WHRN: variants seen among roughly 807,000 people sequenced by gnomAD.
WHRN encodes the protein CASK-interacting protein CIP98.
In WHRN, 41 loss-of-function variants were observed where a neutral mutation model predicts 68.3. That is an observed-to-expected ratio of 0.60 (90% CI 0.47 to 0.78). The LOEUF is 0.78. WHRN is among the 30% of genes least tolerant of loss of function. The probability of loss-of-function intolerance (pLI) is 0.00; values close to 1 mark genes in which losing one functional copy is unlikely to be tolerated. For missense variants in WHRN, 1,243 were observed against 1,244.7 expected, an observed-to-expected ratio of 1.00 and a Z score of 0.02; for synonymous variants, 560 against 561.3, an observed-to-expected ratio of 1.00 and a Z score of 0.03.
chr9:114,419,464 A>G (rs1836088674), intron 7 of WHRN, among the ~76,000 whole-genome samples: 1 of 152,258 alleles, frequency 6.6e-6, no homozygotes, highest in Non-Finnish European at 1.5e-5. Context: ...AGCAGTCAGC[A>G]GTCACATTGG....
intron 2 of WHRN, among the ~76,000 whole-genome samples, chr9:114,476,483 T>C (rs1159214977): frequency 6.6e-6 from 1 of 151,918 alleles, no homozygotes; most frequent in African/African-American, 2.4e-5. Flanking sequence ...CTCAGAGAAG[T>C]CCTCCCTGAT....
chr9:114,488,646 A>T (rs1483004526), intron 1 of WHRN, among the ~76,000 whole-genome samples: 2 of 152,192 alleles, frequency 1.3e-5, no homozygotes, highest in Non-Finnish European at 2.9e-5. Context: ...GTCCAGCCAC[A>T]TGGACTGGAA....
chr9:114,404,121 G>A, intron 9 of WHRN, 44 bp from the exon 10 acceptor site: 2 of 1,590,296 alleles, frequency 1.3e-6, no homozygotes, highest in Non-Finnish European at 1.7e-6. Flanking sequence ...ATATAGCTGG[G>A]GTCAGGGAGG....
At chr9:114,479,775 T>C (rs1443808673) in intron 1 of WHRN, among the ~76,000 whole-genome samples, 3 of 152,112 alleles carry the variant, frequency 2.0e-5, no homozygotes, top group Non-Finnish European at 4.4e-5. Flanking sequence ...AAGAAGTTCC[T>C]TTCTCAGCCG....
At chr9:114,409,767 C>T (rs550952246) in intron 7 of WHRN, among the ~76,000 whole-genome samples, 1 of 151,952 alleles carries the variant, frequency 6.6e-6, no homozygotes, top group Admixed American at 6.6e-5. Context: ...ACCCACCTGT[C>T]ACCTGCTCGA....
chr9:114,504,855 C>A lies in WHRN; in HGVS notation c.-54G>T. 10 of 1,349,510 alleles carry A rather than the reference C, an allele frequency of 7.4e-6. No homozygotes were observed. In the South Asian group the frequency reaches 1.9e-4, roughly 26 times the overall value. 83.6% of individuals were successfully genotyped at this position (1,349,510 alleles called of 1,614,324 possible). ...AGCGCGCGGGGTGTGGGCGGTGCCG[C>A]TGTCCTCGCGGGTACTGGCGCGACA... On this transcript the variant is annotated 5_prime_UTR_variant, in exon 1 of 12. Transcript: ENST00000362057.
At chr9:114,462,181 G>T (rs555606446) in intron 3 of WHRN, among the ~76,000 whole-genome samples, 5 of 152,308 alleles carry the variant, frequency 3.3e-5, no homozygotes, top group South Asian at 2.1e-4. Flanking sequence ...CTGCCAGGAA[G>T]CTCAGAGCCA....
intron 1 of WHRN, among the ~76,000 whole-genome samples, chr9:114,484,998 A>G (rs1842368577): frequency 6.6e-6 from 1 of 152,194 alleles, no homozygotes; most frequent in Non-Finnish European, 1.5e-5. Context: ...GTTCAAAACC[A>G]TACACCAAAG....
At chr9:114,437,498 C>G (rs114654071) in intron 3 of WHRN, among the ~76,000 whole-genome samples, 2,086 of 152,252 alleles carry the variant, frequency 0.014, 44 homozygotes, top group African/African-American at 0.047. Flanking sequence ...GTGTCCCCCC[C>G]CAAATTCCTA....
intron 3 of WHRN, among the ~76,000 whole-genome samples, chr9:114,454,965 T>C (rs1294116210): frequency 1.3e-5 from 2 of 151,550 alleles, no homozygotes; most frequent in Admixed American, 6.6e-5. Flanking sequence ...GGAGATAGGG[T>C]AGTCCTTTCA....
intron 1 of WHRN, chr9:114,503,340 A>G (rs1844099004): frequency 4.5e-6 from 1 of 224,650 alleles, no homozygotes; most frequent in Non-Finnish European, 7.4e-6. Context: ...AGGTCGGGGG[A>G]GGGGGGAAGG....
intron 1 of WHRN, among the ~76,000 whole-genome samples, chr9:114,499,063 A>G (rs1047917060): frequency 3.3e-5 from 5 of 152,246 alleles, no homozygotes; most frequent in African/African-American, 1.2e-4. Flanking sequence ...TGTGTCCACT[A>G]TATGGGAAAT....
At chr9:114,438,591 T>G (rs1838080769) in intron 3 of WHRN, among the ~76,000 whole-genome samples, 1 of 151,894 alleles carries the variant, frequency 6.6e-6, no homozygotes, top group African/African-American at 2.4e-5. Flanking sequence ...TAGCTGGGAC[T>G]ACAGGTGCCC....
intron 3 of WHRN, among the ~76,000 whole-genome samples, chr9:114,454,036 T>A (rs1402513409): frequency 3.3e-5 from 5 of 152,140 alleles, no homozygotes; most frequent in African/African-American, 9.7e-5. Flanking sequence ...ATTAACAGAT[T>A]AAAAGAGAAA....
chr9:114,483,185 T>C (rs998391419), intron 1 of WHRN, among the ~76,000 whole-genome samples: 8 of 152,212 alleles, frequency 5.3e-5, no homozygotes, highest in African/African-American at 1.9e-4. Flanking sequence ...ACTGCTTTTT[T>C]ATATTTCTGG....
chr9:114,477,730 T>C (rs28408516), intron 2 of WHRN, among the ~76,000 whole-genome samples: 3,510 of 152,280 alleles, frequency 0.023, 61 homozygotes, highest in Middle Eastern at 0.058. Flanking sequence ...GCTTCAATTC[T>C]GGGACTGCCC....
At chr9:114,406,934 T>A in intron 8 of WHRN, 42 bp from the exon 9 acceptor site, 1 of 1,549,928 alleles carries the variant, frequency 6.5e-7, no homozygotes. Flanking sequence ...TCAGACCCCA[T>A]CACGCCTGGA....
intron 3 of WHRN, among the ~76,000 whole-genome samples, chr9:114,446,200 G>A (rs1488830569): frequency 6.6e-6 from 1 of 152,134 alleles, no homozygotes; most frequent in African/African-American, 2.4e-5. Context: ...GGAATTTCCT[G>A]GTAGATGCTA....
At chr9:114,415,597 T>G (rs1440489850) in intron 7 of WHRN, among the ~76,000 whole-genome samples, 1 of 152,188 alleles carries the variant, frequency 6.6e-6, no homozygotes, top group Non-Finnish European at 1.5e-5. Flanking sequence ...CCATGTATGT[T>G]CTCACACCAC....
Sources: gnomAD v4.1 joint callset for allele counts (sites outside exome capture counted in the v4.1 genomes callset) on GRCh38, gnomAD v4.1.1 for gene constraint, MANE v1.5 for transcripts, NCBI Gene and HGNC (gene_info 2026-07-23, HGNC 2026-07-21) for gene names.